The following TCF20 variants were observed in gnomAD, a reference collection of about 807,000 sequenced individuals.
The protein encoded by TCF20 is transcription factor 20, also known as SPRE-binding protein.
TCF20 carries 3 observed loss-of-function variants against 148.6 expected under a neutral mutation model. The ratio of observed to expected loss-of-function variants is 0.02; its 90% CI spans 0.01 to 0.05. TCF20 has a LOEUF of 0.05. Among genes scored for constraint, TCF20 ranks in the 10% least tolerant of loss-of-function variants. The probability of loss-of-function intolerance (pLI) is 1.00; values close to 1 mark genes in which losing one functional copy is unlikely to be tolerated. For missense variants in TCF20, 2,350 were observed against 2,429.3 expected (o/e 0.97, Z 0.69); for synonymous variants, 1,049 against 909.5 (o/e 1.15, Z -2.76).
chr22:42,169,874 G>A lies in TCF20; in HGVS notation c.5772C>T (p.Asn1924=). Residue 1924 remains asparagine, a synonymous_variant, in exon 4 of 6, where the codon AAC becomes AAT. Coordinates refer to ENST00000677622, the MANE Select transcript of TCF20 (RefSeq NM_001378418.1). ...IDADCLLHEE[N]FSVRCPKHKP... ...TGTGCTTAGGGCACCTCACCGAGAA[G>A]TTCTCCTCATGTAGCAAACAATCTG... 6.2e-7 allele frequency: 1 copy of A among 1,613,524 alleles called. No individual in the cohort carries two copies. Among genetic ancestry groups the A allele is most frequent in the East Asian group, 2.2e-5 (1 of 44,858 alleles).
At chr22:42,215,403 C>G (rs1482020690) in intron 1 of TCF20, 62 bp from the exon 2 acceptor site, 14 of 1,495,832 alleles carry the variant, frequency 9.4e-6, no homozygotes, top group Non-Finnish European at 1.2e-5. Context: ...AAAATCAAGT[C>G]TAGATGATGG....
At chr22:42,178,175 C>A (rs1569108845) in intron 3 of TCF20, among the ~76,000 whole-genome samples, 1 of 152,224 alleles carries the variant, frequency 6.6e-6, no homozygotes, top group African/African-American at 2.4e-5. Flanking sequence ...CCTGCCCACA[C>A]ATCTGGCCCT....
At chr22:42,337,685 A>G (rs1463829868) in intron 1 of TCF20, among the ~76,000 whole-genome samples, 1 of 152,248 alleles carries the variant, frequency 6.6e-6, no homozygotes, top group Non-Finnish European at 1.5e-5. Context: ...TAGCTTGAGC[A>G]AAAAAGAGAA....
At chr22:42,302,689 G>A (rs969296627) in intron 1 of TCF20, among the ~76,000 whole-genome samples, 4 of 152,156 alleles carry the variant, frequency 2.6e-5, no homozygotes, top group African/African-American at 9.7e-5. Context: ...AACAGGCACT[G>A]GCCATGACCC....
In TCF20 at chr22:42,215,044, C is replaced by T. The variant is rs750196355; in HGVS notation, c.262G>A (p.Asp88Asn). The change falls in exon 2 of 6, where the codon GAT (aspartate) becomes AAT (asparagine). Residue 88 changes from aspartate (D) to asparagine (N), a missense_variant. Physicochemically the swap from Asp to Asn is conservative, Grantham distance 23. Coordinates refer to ENST00000677622, the MANE Select transcript of TCF20 (RefSeq NM_001378418.1). ...TTGTTGCCTGCCATGTAGTAAAAAT[C>T]TCCAGCCTCTTTCCTGAAACCCTGG... ...GYQGFRKEAG[D>N]FYYMAGNKDP... is the part of the protein sequence containing the mutation. 5 of 1,614,112 alleles carry T rather than the reference C, an allele frequency of 3.1e-6. No individual in the cohort carries two copies. Among genetic ancestry groups the T allele is most frequent in the East Asian group, 2.2e-5 (1 of 44,904 alleles).
intron 1 of TCF20, among the ~76,000 whole-genome samples, chr22:42,264,082 TGA>T (rs1376222261): frequency 2.6e-5 from 4 of 152,226 alleles, no homozygotes; most frequent in South Asian, 4.2e-4. Flanking sequence ...TGGGAAAGAC[TGA>T]GAGGATGAGC....
intron 1 of TCF20, among the ~76,000 whole-genome samples, chr22:42,325,689 C>T (rs1336931168): frequency 1.3e-5 from 2 of 152,174 alleles, no homozygotes; most frequent in East Asian, 1.9e-4. Context: ...GAAGCTGGGC[C>T]GCACCCAAGG....
Position 42,339,187 on chromosome 22 carries a change from C to A in TCF20, c.-37+4292G>T, listed in dbSNP as rs950926524. 2.0e-5 allele frequency among the ~76,000 whole-genome samples: 3 copies of A among 152,184 alleles called. No homozygotes were observed. The South Asian group carries it at 6.2e-4, about 31-fold the overall frequency. ...CAAGGCTCAGACTCCTGGCCTAGCG[C>A]TCGTCCTCACACAAGGTGGGCACTT... On this transcript the variant is annotated intron_variant, in intron 1 of 1. Transcript: ENST00000515426.
intron 1 of TCF20, among the ~76,000 whole-genome samples, chr22:42,327,033 AATG>A (rs1927887752): frequency 6.6e-6 from 1 of 152,236 alleles, no homozygotes; most frequent in Non-Finnish European, 1.5e-5. Context: ...TCACGTATTC[AATG>A]ATGACTGTGT....
intron 1 of TCF20, among the ~76,000 whole-genome samples, chr22:42,251,791 C>A: frequency 6.6e-6 from 1 of 151,570 alleles, no homozygotes; most frequent in Non-Finnish European, 1.5e-5. Flanking sequence ...GAGTGAGCCA[C>A]CGCACCTGGC....
chr22:42,269,592 G>A (rs1926480191), intron 1 of TCF20, among the ~76,000 whole-genome samples: 1 of 152,200 alleles, frequency 6.6e-6, no homozygotes, highest in Non-Finnish European at 1.5e-5. Context: ...CCCGAAAAAG[G>A]GACGAAAGCC....
At chr22:42,178,345 A>G (rs940398652) in intron 3 of TCF20, among the ~76,000 whole-genome samples, 3 of 152,152 alleles carry the variant, frequency 2.0e-5, no homozygotes, top group Admixed American at 1.3e-4. Context: ...AACACAGGTC[A>G]TAACACAGGG....
At chr22:42,253,718 T>C (rs145118105) in intron 1 of TCF20, among the ~76,000 whole-genome samples, 110 of 152,296 alleles carry the variant, frequency 7.2e-4, no homozygotes, top group African/African-American at 2.6e-3. Flanking sequence ...AAAATAAGTT[T>C]AGTAAAAACA....
Position 42,238,135 on chromosome 22 carries a change from CA to C in TCF20, c.-36-22795del, listed in dbSNP as rs1036070116. On this transcript the variant is annotated intron_variant, in intron 1 of 5. Coordinates refer to ENST00000677622, the MANE Select transcript of TCF20 (RefSeq NM_001378418.1). ...ATCTGTTCAATATAGCCACCTTCAT[CA>C]GTGATCTTGGCTACATCTTCTAGAT... 1.2e-4 allele frequency among the ~76,000 whole-genome samples: 18 copies of C among 152,238 alleles called. 1 individual carries two copies. The highest frequency in any genetic ancestry group is 4.1e-4 in the African/African-American group (17 of 41,456).
chr22:42,254,202 A>C (rs1925593791), intron 1 of TCF20, among the ~76,000 whole-genome samples: 1 of 152,076 alleles, frequency 6.6e-6, no homozygotes, highest in Non-Finnish European at 1.5e-5. Flanking sequence ...CATATCAAGC[A>C]CTGTTCTAGA....
chr22:42,311,184 C>T (rs1189742154), intron 1 of TCF20, among the ~76,000 whole-genome samples: 2 of 152,228 alleles, frequency 1.3e-5, no homozygotes, highest in Non-Finnish European at 2.9e-5. Flanking sequence ...GCCAGCCCTC[C>T]CACCTGCGGC....
chr22:42,238,482 T>G (rs1309852928), intron 1 of TCF20, among the ~76,000 whole-genome samples: 1 of 152,268 alleles, frequency 6.6e-6, no homozygotes, highest in Non-Finnish European at 1.5e-5. Flanking sequence ...AACCTTTTCT[T>G]GCATTCATAA....
intron 1 of TCF20, among the ~76,000 whole-genome samples, chr22:42,298,886 G>A (rs563717986): frequency 6.6e-6 from 1 of 152,126 alleles, no homozygotes; most frequent in Admixed American, 6.5e-5. Flanking sequence ...CCAATGCCCC[G>A]GCCTCCAGGA....
In TCF20 at chr22:42,279,279, C is replaced by T. The variant is rs566658947; in HGVS notation, c.-37+4548G>A. 7.2e-5 allele frequency among the ~76,000 whole-genome samples: 11 copies of T among 152,070 alleles called. No individual in the cohort carries two copies. The East Asian group carries it at 2.1e-3, about 29-fold the overall frequency. On this transcript the variant is annotated intron_variant, in intron 1 of 5. Coordinates refer to the TCF20 transcript ENST00000359486. The surrounding 1 kb of genome is among the most constrained non-coding windows in gnomAD (Gnocchi z 4.3). ...CAGCACTTTGGGAGGCTGAGGCGGG[C>T]GGATCACCTGAGGTCAGGAGTTCGA...
Sources: allele counts gnomAD v4.1 joint callset (sites outside exome capture counted in the v4.1 genomes callset), GRCh38; gene constraint gnomAD v4.1.1; non-coding constraint Gnocchi (gnomAD v3.1); transcripts MANE v1.5; gene names NCBI Gene and HGNC (gene_info 2026-07-23, HGNC 2026-07-21).